KBTBD2: variants seen among roughly 807,000 people sequenced by gnomAD.
The protein encoded by KBTBD2 is kelch repeat and BTB domain-containing protein 2.
A neutral mutation model predicts 57.1 loss-of-function variants in KBTBD2; 17 were observed. The ratio of observed to expected loss-of-function variants is 0.30; its 90% CI spans 0.20 to 0.45. The LOEUF (loss-of-function observed/expected upper bound fraction) is 0.45. KBTBD2 is among the 20% of genes least tolerant of loss of function. The pLI, the probability that KBTBD2 is intolerant of heterozygous loss-of-function variation, is 1.00. For missense variants in KBTBD2, 515 were observed against 750.6 expected (o/e 0.69, Z 3.67); for synonymous variants, 267 against 262.7 (o/e 1.02, Z -0.16).
chr7:32,880,326 A>G (rs972863295), intron 1 of KBTBD2, among the ~76,000 whole-genome samples: 1 of 152,096 alleles, frequency 6.6e-6, no homozygotes, highest in Non-Finnish European at 1.5e-5. Flanking sequence ...ATTTTTTTAA[A>G]AAAACAAAAA....
intron 1 of KBTBD2, among the ~76,000 whole-genome samples, chr7:32,882,512 G>A (rs989429717): frequency 8.5e-5 from 13 of 152,120 alleles, no homozygotes; most frequent in African/African-American, 3.1e-4. Context: ...TTCTAAAAAA[G>A]TACAAAGTCA....
At chr7:32,882,277 G>A (rs1007088084) in intron 1 of KBTBD2, among the ~76,000 whole-genome samples, 1 of 152,142 alleles carries the variant, frequency 6.6e-6, no homozygotes, top group Non-Finnish European at 1.5e-5. Context: ...GTTTAAACAA[G>A]GTGACAGCAA....
intron 1 of KBTBD2, among the ~76,000 whole-genome samples, chr7:32,882,598 G>C (rs1784471533): frequency 6.6e-6 from 1 of 152,128 alleles, no homozygotes; most frequent in South Asian, 2.1e-4. Flanking sequence ...TTTTCTTCCT[G>C]GAGAGGCAGC....
chr7:32,873,102 T>C (rs1784221405), intron 3 of KBTBD2, among the ~76,000 whole-genome samples: 1 of 152,152 alleles, frequency 6.6e-6, no homozygotes, highest in African/African-American at 2.4e-5. Flanking sequence ...GTTCTCCCTC[T>C]GAAGAAACTT....
chr7:32,876,184 A>G (rs1487278585), intron 2 of KBTBD2, among the ~76,000 whole-genome samples: 1 of 152,200 alleles, frequency 6.6e-6, no homozygotes. Flanking sequence ...ATATATAGGT[A>G]AGAGAGGAAA....
chr7:32,891,924 C>A (rs902235275), upstream of KBTBD2: 1 of 142,066 alleles, frequency 7.0e-6, no homozygotes, highest in Non-Finnish European at 1.6e-5. Context: ...CGCTCTCGCC[C>A]CCGCCCGCGG....
intron 1 of KBTBD2, among the ~76,000 whole-genome samples, chr7:32,888,055 G>A (rs1264452007): frequency 6.6e-6 from 1 of 152,132 alleles, no homozygotes; most frequent in African/African-American, 2.4e-5. Context: ...CCAATTTCAA[G>A]GTCTCAGCAC....
In KBTBD2 at chr7:32,869,414, A is replaced by G. The variant is rs756469429; in HGVS notation, c.1803T>C (p.Tyr601=). The part of the protein sequence containing the change: ...LEESPWKPPT[Y]LFSTDGTEEF... ...CTTCTGTCCCATCCGTTGAAAAAAG[A>G]TAAGTTGGTGGTTTCCATGGAGACT... The change falls in exon 4 of 4, where the codon TAT becomes TAC. Residue 601 remains tyrosine, a synonymous_variant. Coordinates refer to ENST00000304056, the MANE Select transcript of KBTBD2 (RefSeq NM_015483.3). The G allele has an allele frequency of 4.0e-5, 64 of 1,614,008 alleles. No homozygotes were observed. The highest frequency in any genetic ancestry group is 1.4e-4 in the South Asian group (13 of 91,090).
At position 32,875,001 on chromosome 7, in the gene KBTBD2, G is replaced by A. The variant is rs754056480; in HGVS notation, c.327C>T (p.Cys109=). The part of the protein sequence containing the change: ...STVEQLYETA[C]FLQVEDVLQR... ...ATATATATATGCTTACCTGTAGGAA[G>A]CAAGCTGTTTCATAAAGCTGTTCTA... is the stretch of plus-strand genomic sequence containing the variant. Residue 109 remains cysteine, a synonymous_variant, in exon 3 of 4, where the codon TGC becomes TGT. Coordinates refer to ENST00000304056, the MANE Select transcript of KBTBD2 (RefSeq NM_015483.3). The A allele has an allele frequency of 6.2e-7, 1 of 1,613,880 alleles. No homozygotes were observed. The highest frequency in any genetic ancestry group is 2.2e-5 in the East Asian group (1 of 44,872).
At position 32,870,651 on chromosome 7, in the gene KBTBD2, T is replaced by C. The variant is rs17854425; in HGVS notation, c.566A>G (p.Glu189Gly). 2.5e-6 allele frequency: 4 copies of C among 1,614,138 alleles called. No individual in the cohort carries two copies. The highest frequency in any genetic ancestry group is 3.4e-6 in the Non-Finnish European group (4 of 1,180,012). The change falls in exon 4 of 4, where the codon GAA (glutamate) becomes GGA (glycine). Residue 189 changes from glutamate to glycine, a missense_variant. Glu to Gly is a moderately conservative substitution (Grantham distance 98, BLOSUM62 -2). Coordinates refer to ENST00000304056, the MANE Select transcript of KBTBD2 (RefSeq NM_015483.3). ...AGCTTCTCGAACGGTTTCTTCCTTT[T>C]CTACATTTAAATTGTCACTACTGAG... ...DILSSDNLNVEKEETVREAAM... is the reference protein window; with the variant it reads ...DILSSDNLNVGKEETVREAAM...
intron 2 of KBTBD2, among the ~76,000 whole-genome samples, chr7:32,878,292 C>T (rs539327738): frequency 1.3e-5 from 2 of 152,056 alleles, no homozygotes; most frequent in East Asian, 3.9e-4. Context: ...TAAAGAACAG[C>T]AGAACAGGCG....
At chr7:32,887,075 T>C (rs1032556297) in intron 1 of KBTBD2, among the ~76,000 whole-genome samples, 11 of 152,088 alleles carry the variant, frequency 7.2e-5, no homozygotes, top group Non-Finnish European at 1.5e-4. Context: ...GAAACACAAA[T>C]AGAAGCAAAG....
At chr7:32,881,913 T>G (rs550424536) in intron 1 of KBTBD2, among the ~76,000 whole-genome samples, 1 of 152,342 alleles carries the variant, frequency 6.6e-6, no homozygotes, top group South Asian at 2.1e-4. Context: ...AGAGGTATTG[T>G]GACACATGTA....
At chr7:32,888,732 T>A (rs955297652) in intron 1 of KBTBD2, among the ~76,000 whole-genome samples, 1 of 151,238 alleles carries the variant, frequency 6.6e-6, no homozygotes, top group African/African-American at 2.4e-5. Context: ...TAGCTTCCTC[T>A]GCTCTAGTCA....
intron 1 of KBTBD2, among the ~76,000 whole-genome samples, chr7:32,884,392 A>T (rs867752411): frequency 1.3e-3 from 59 of 45,366 alleles, no homozygotes; most frequent in African/African-American, 0.012. Flanking sequence ...TTTTAATTTA[A>T]AAAAAAAAAA....
rs889427680 is a variant in KBTBD2 at position 32,868,531 on chromosome 7, A to G, written c.*814T>C. 2.0e-5 allele frequency: 3 copies of G among 152,606 alleles called. No individual in the cohort carries two copies. The highest frequency in any genetic ancestry group is 2.0e-4 in the Admixed American group (3 of 15,274). The allele number at this position is 152,606 out of a possible 1,614,324, so 9.5% of individuals were successfully genotyped here. On this transcript the variant is annotated 3_prime_UTR_variant, in exon 4 of 4. Transcript: ENST00000304056. ...TAATGACCTGGTTAACCCACTCTAA[A>G]TCTTGAAGATGGAGAACTACATCAG...
At position 32,884,113 on chromosome 7, in the gene KBTBD2, CCTA is replaced by C. The variant is rs1171087913; in HGVS notation, c.-338-4174_-338-4172del. ...TGAGCAAAGGTATCTGGTGCTCAGC[CCTA>C]CTACTAACAGTGGATCACACAGGAG... On this transcript the variant is annotated intron_variant, in intron 1 of 3. Coordinates refer to ENST00000304056, the MANE Select transcript of KBTBD2 (RefSeq NM_015483.3). Among the ~76,000 whole-genome samples the C allele has an allele frequency of 4.6e-5, 7 of 152,182 alleles. No homozygotes were observed. The East Asian group carries it at 1.4e-3, about 29-fold the overall frequency.
rs1421575671 is a variant in KBTBD2 at position 32,879,545 on chromosome 7, C to T, written c.60G>A (p.Gln20=). The change falls in exon 2 of 4, where the codon CAG becomes CAA. Residue 20 remains glutamine (Q), a synonymous_variant. Transcript: ENST00000304056. The part of the protein sequence containing the change: ...NTEYAVSLLE[Q]LKLFYEQQLF... The stretch of plus-strand genomic sequence containing the variant: ...ACTGCTGTTCATAAAACAGTTTCAA[C>T]TGTTCCAACAATGACACAGCATATT... 1.2e-6 allele frequency: 2 copies of T among 1,613,434 alleles called. No homozygotes were observed. The highest frequency in any genetic ancestry group is 2.2e-5 in the East Asian group (1 of 44,842).
At position 32,891,625 on chromosome 7, in the gene KBTBD2, C is replaced by G. The variant is rs1344788849; in HGVS notation, c.-428G>C. ...CTCCGGCGCGGCGGCGGGGGCGTGGCCCTCCCGCCGCGGCCTCGCCTGGGG... is the reference window on the plus strand; with the variant it reads ...CTCCGGCGCGGCGGCGGGGGCGTGGGCCTCCCGCCGCGGCCTCGCCTGGGG... On this transcript the variant is annotated 5_prime_UTR_variant, in exon 1 of 4. Transcript: ENST00000304056. The G allele has an allele frequency of 4.7e-5, 7 of 148,626 alleles. No homozygotes were observed. The highest frequency in any genetic ancestry group is 7.5e-5 in the Non-Finnish European group (5 of 66,828). 9.2% of individuals were successfully genotyped at this position (148,626 alleles called of 1,614,324 possible).
Sources: allele counts gnomAD v4.1 joint callset (sites outside exome capture counted in the v4.1 genomes callset), GRCh38; gene constraint gnomAD v4.1.1; transcripts MANE v1.5; gene names NCBI Gene and HGNC (gene_info 2026-07-23, HGNC 2026-07-21).